GRID1: variants seen among roughly 807,000 people sequenced by gnomAD.
The protein encoded by GRID1 is glutamate receptor ionotropic, delta-1.
In GRID1, 28 loss-of-function variants were observed where a neutral mutation model predicts 98.0. That is an observed-to-expected ratio of 0.29 (90% CI 0.21 to 0.39). The LOEUF (loss-of-function observed/expected upper bound fraction) is 0.39. GRID1 is among the 10% of genes least tolerant of loss of function. The pLI is 1.00. For missense variants in GRID1, 1,111 were observed against 1,340.5 expected, an observed-to-expected ratio of 0.83 and a Z score of 2.67; for synonymous variants, 553 against 538.5, an observed-to-expected ratio of 1.03 and a Z score of -0.37.
chr10:85,804,571 T>TAATA (rs1354768335), intron 8 of GRID1, among the ~76,000 whole-genome samples: 2 of 151,850 alleles, frequency 1.3e-5, no homozygotes, highest in African/African-American at 4.8e-5. Flanking sequence ...AATCATAGAT[T>TAATA]AATACCCTTC....
At position 85,856,159 on chromosome 10, in the gene GRID1, A is replaced by T; in HGVS notation, c.983T>A (p.Leu328Gln). 1 of 1,614,186 alleles carries T rather than the reference A, an allele frequency of 6.2e-7. No homozygotes were observed. ...ISNLYLYDSV[L>Q]MLANAFHRKL... ...CCTGTGAAAGGCGTTGGCCAGCATC[A>T]GAACACTGTCATACAGATAGAGGTT... Residue 328 changes from leucine to glutamine, a missense_variant, in exon 7 of 16, where the codon CTG (leucine) becomes CAG (glutamine). Physicochemically the swap from Leu to Gln is moderately radical, Grantham distance 113. Around this residue, in one of 3 missense-constraint regions of GRID1, gnomAD observed 346 missense variants for 452.3 expected, o/e 0.76. Coordinates refer to ENST00000327946, the MANE Select transcript of GRID1 (RefSeq NM_017551.3).
At chr10:85,712,142 T>C (rs1424042551) in intron 12 of GRID1, among the ~76,000 whole-genome samples, 1 of 151,414 alleles carries the variant, frequency 6.6e-6, no homozygotes, top group Admixed American at 6.6e-5. Flanking sequence ...AATAGCAAAA[T>C]GGTAGAGCTA....
chr10:85,864,391 T>C (rs1035146072), intron 6 of GRID1, among the ~76,000 whole-genome samples: 3 of 152,170 alleles, frequency 2.0e-5, no homozygotes, highest in African/African-American at 7.2e-5. Flanking sequence ...GGTGTGAAAG[T>C]GAAGAGGGCT....
At chr10:86,241,599 G>T (rs2132042316) in intron 2 of GRID1, among the ~76,000 whole-genome samples, 1 of 152,362 alleles carries the variant, frequency 6.6e-6, no homozygotes, top group Admixed American at 6.5e-5. Context: ...CCTAGACAGA[G>T]TTTGCATAGT....
chr10:85,821,865 C>A (rs1349099241), intron 8 of GRID1, among the ~76,000 whole-genome samples: 2 of 151,910 alleles, frequency 1.3e-5, no homozygotes, highest in African/African-American at 4.8e-5. Flanking sequence ...CAGAACAGAG[C>A]CCTCAGAAAT....
chr10:86,056,807 C>T (rs1368858803), intron 4 of GRID1, among the ~76,000 whole-genome samples: 3 of 152,200 alleles, frequency 2.0e-5, no homozygotes, highest in South Asian at 2.1e-4. Context: ...CATATGGCAG[C>T]CTGGCAGGCC....
At chr10:85,712,640 G>C (rs886176323) in intron 12 of GRID1, among the ~76,000 whole-genome samples, 4 of 151,684 alleles carry the variant, frequency 2.6e-5, no homozygotes, top group Non-Finnish European at 5.9e-5. Context: ...CAACTTTCAT[G>C]GAACATTCTC....
intron 3 of GRID1, among the ~76,000 whole-genome samples, chr10:86,180,704 G>C (rs958391878): frequency 6.6e-6 from 1 of 152,148 alleles, no homozygotes; most frequent in Non-Finnish European, 1.5e-5. Context: ...GGAACAAGGC[G>C]CTGCCTGCAG....
At chr10:85,661,328 A>G (rs1350059797) in intron 12 of GRID1, among the ~76,000 whole-genome samples, 2 of 152,082 alleles carry the variant, frequency 1.3e-5, no homozygotes, top group African/African-American at 2.4e-5. Flanking sequence ...CTGCTGTGAT[A>G]TTTCATGATT....
intron 8 of GRID1, among the ~76,000 whole-genome samples, chr10:85,754,781 C>T (rs113341716): frequency 0.011 from 1,678 of 152,198 alleles, 32 homozygotes; most frequent in African/African-American, 0.038. Context: ...CTAGTTCCTC[C>T]CCTTGCAGAC....
intron 4 of GRID1, among the ~76,000 whole-genome samples, chr10:85,927,441 C>T (rs1841789901): frequency 6.6e-6 from 1 of 151,828 alleles, no homozygotes; most frequent in Admixed American, 6.5e-5. Context: ...GGCTTTTACC[C>T]CATAAGCTGC....
At chr10:85,691,207 A>C (rs1366794908) in intron 12 of GRID1, among the ~76,000 whole-genome samples, 3 of 152,180 alleles carry the variant, frequency 2.0e-5, no homozygotes, top group African/African-American at 7.2e-5. Flanking sequence ...TCTGCTTCAC[A>C]TTATTGTCTG....
chr10:86,038,650 G>T (rs1313267111), intron 4 of GRID1, among the ~76,000 whole-genome samples: 1 of 152,196 alleles, frequency 6.6e-6, no homozygotes, highest in Non-Finnish European at 1.5e-5. Flanking sequence ...GACACACATG[G>T]CCAACATTGG....
intron 4 of GRID1, among the ~76,000 whole-genome samples, chr10:85,952,504 A>G (rs1251891950): frequency 2.6e-5 from 4 of 152,222 alleles, no homozygotes; most frequent in African/African-American, 9.6e-5. Flanking sequence ...ATCAATTGCA[A>G]TATTACTGCA....
At chr10:85,957,584 A>C (rs2131847099) in intron 4 of GRID1, among the ~76,000 whole-genome samples, 1 of 152,312 alleles carries the variant, frequency 6.6e-6, no homozygotes, top group African/African-American at 2.4e-5. Flanking sequence ...GGAAGGAGGA[A>C]AGGATGAATA....
At chr10:86,038,090 T>A in intron 4 of GRID1, among the ~76,000 whole-genome samples, 1 of 151,982 alleles carries the variant, frequency 6.6e-6, no homozygotes, top group East Asian at 1.9e-4. Flanking sequence ...ACATGTACAA[T>A]CTAAGGAGAG....
intron 2 of GRID1, among the ~76,000 whole-genome samples, chr10:86,270,019 A>T (rs527471347): frequency 6.6e-6 from 1 of 152,212 alleles, no homozygotes; most frequent in South Asian, 2.1e-4. Flanking sequence ...TACTAAACAA[A>T]TCTATCCTTA....
At chr10:85,623,336 A>G (rs1842877667) in intron 13 of GRID1, among the ~76,000 whole-genome samples, 1 of 151,796 alleles carries the variant, frequency 6.6e-6, no homozygotes, top group South Asian at 2.1e-4. Flanking sequence ...AAAATATCCC[A>G]CCCATCATGG....
At chr10:85,709,619 C>A (rs554132301) in intron 12 of GRID1, among the ~76,000 whole-genome samples, 3 of 152,150 alleles carry the variant, frequency 2.0e-5, no homozygotes, top group Non-Finnish European at 4.4e-5. Flanking sequence ...CACTCACCTA[C>A]GCTGTCTCTC....
Sources: allele counts gnomAD v4.1 joint callset (sites outside exome capture counted in the v4.1 genomes callset), GRCh38; gene constraint gnomAD v4.1.1; regional missense constraint gnomAD v4.1.1; transcripts MANE v1.5; gene names NCBI Gene and HGNC (gene_info 2026-07-23, HGNC 2026-07-21).